SMC5: variants seen among roughly 807,000 people sequenced by gnomAD.
SMC5 encodes structural maintenance of chromosomes protein 5.
Under a neutral mutation model 148.3 loss-of-function variants are expected in SMC5, and 88 were observed. The ratio of observed to expected loss-of-function variants is 0.59; its 90% CI spans 0.50 to 0.71. The LOEUF (loss-of-function observed/expected upper bound fraction) is 0.71. Among genes scored for constraint, SMC5 ranks in the 30% least tolerant of loss-of-function variants. The pLI is 0.00. For missense variants in SMC5, 1,142 were observed against 1,298.9 expected, an observed-to-expected ratio of 0.88 and a Z score of 1.86; for synonymous variants, 421 against 432.8, an observed-to-expected ratio of 0.97 and a Z score of 0.34.
At chr9:70,264,898 T>C (rs77403649) in intron 2 of SMC5, among the ~76,000 whole-genome samples, 5,611 of 152,290 alleles carry the variant, frequency 0.037, 130 homozygotes, top group Non-Finnish European at 0.054. Context: ...GTGTAGCCTA[T>C]TGCTCCTAGA....
intron 2 of SMC5, among the ~76,000 whole-genome samples, chr9:70,265,332 G>T (rs1213508499): frequency 6.6e-6 from 1 of 152,094 alleles, no homozygotes; most frequent in Non-Finnish European, 1.5e-5. Context: ...GGTGGCGGGT[G>T]CCTGTAATCC....
intron 7 of SMC5, among the ~76,000 whole-genome samples, chr9:70,284,660 A>G (rs1018018666): frequency 6.6e-6 from 1 of 152,206 alleles, no homozygotes; most frequent in Non-Finnish European, 1.5e-5. Context: ...ATTGTCAAAC[A>G]TCCATGAGCC....
At position 70,278,650 on chromosome 9, in the gene SMC5, G is replaced by A. The variant is rs753820211; in HGVS notation, c.678+25G>A. 1.8e-5 allele frequency: 29 copies of A among 1,579,768 alleles called. No individual in the cohort carries two copies. The South Asian group carries it at 3.3e-4, about 18-fold the overall frequency. ...GGTACTTTAAATAGACAACTCATTT[G>A]TATTGTTTCTTATTGATTTCTGTAT... On this transcript the variant is annotated intron_variant, in intron 5 of 24. Coordinates refer to ENST00000361138, the MANE Select transcript of SMC5 (RefSeq NM_015110.4).
intron 3 of SMC5, among the ~76,000 whole-genome samples, chr9:70,270,153 C>G (rs2118035483): frequency 6.6e-6 from 1 of 152,272 alleles, no homozygotes; most frequent in East Asian, 1.9e-4. Flanking sequence ...TACTTCTGAC[C>G]AACCAGCTGT....
chr9:70,272,651 C>T (rs1462900155), intron 3 of SMC5, among the ~76,000 whole-genome samples: 2 of 152,170 alleles, frequency 1.3e-5, no homozygotes, highest in Non-Finnish European at 2.9e-5. Flanking sequence ...AAGATAAACA[C>T]ATTTGGGAAA....
At chr9:70,303,636 T>A (rs1264027258) in intron 10 of SMC5, among the ~76,000 whole-genome samples, 1 of 152,230 alleles carries the variant, frequency 6.6e-6, no homozygotes, top group Non-Finnish European at 1.5e-5. Context: ...AATTATATTA[T>A]CTCTTAATCC....
At chr9:70,274,376 C>T (rs956796407) in intron 3 of SMC5, among the ~76,000 whole-genome samples, 24 of 152,156 alleles carry the variant, frequency 1.6e-4, no homozygotes, top group South Asian at 2.1e-4. Flanking sequence ...CCACTGCGCC[C>T]GGCCGTGAAT....
At chr9:70,339,428 CAAAAAA>C (rs796734731) in intron 17 of SMC5, among the ~76,000 whole-genome samples, 1 of 76,592 alleles carries the variant, frequency 1.3e-5, no homozygotes, top group Non-Finnish European at 2.8e-5. Flanking sequence ...GACTCCGTCT[CAAAAAA>C]AAAAAAAAAG....
chr9:70,352,350 A>C lies in SMC5; in HGVS notation c.*19A>C. 1.9e-6 allele frequency: 3 copies of C among 1,569,390 alleles called. No homozygotes were observed. The highest frequency in any genetic ancestry group is 2.6e-6 in the Non-Finnish European group (3 of 1,161,550). On this transcript the variant is annotated 3_prime_UTR_variant, in exon 25 of 25. Coordinates refer to ENST00000361138, the MANE Select transcript of SMC5 (RefSeq NM_015110.4). ...TTCTTAATAAAAGTAAAGAGAGGGA[A>C]CTTGGGAATTTTTTTTGTTAAATTC...
chr9:70,276,206 G>C (rs1181682441), intron 3 of SMC5, among the ~76,000 whole-genome samples: 1 of 152,210 alleles, frequency 6.6e-6, no homozygotes, highest in African/African-American at 2.4e-5. Context: ...ATATCGCTTA[G>C]ATATGGCTTT....
At chr9:70,298,576 C>T (rs1273572070) in intron 9 of SMC5, among the ~76,000 whole-genome samples, 1 of 151,960 alleles carries the variant, frequency 6.6e-6, no homozygotes, top group Non-Finnish European at 1.5e-5. Context: ...GAAACCTGTC[C>T]AATTTCATCT....
intron 10 of SMC5, among the ~76,000 whole-genome samples, chr9:70,303,389 C>T (rs2035413394): frequency 6.6e-6 from 1 of 152,158 alleles, no homozygotes. Context: ...TAAACATCCA[C>T]ATACGTTTTC....
chr9:70,261,776 G>T (rs1316796628), intron 1 of SMC5, among the ~76,000 whole-genome samples: 3 of 152,156 alleles, frequency 2.0e-5, no homozygotes, highest in Non-Finnish European at 4.4e-5. Flanking sequence ...ACTGAAGAAG[G>T]ACTCAAAGTC....
chr9:70,309,349 T>TTTTGG (rs71364591), intron 11 of SMC5, among the ~76,000 whole-genome samples: 3 of 112,684 alleles, frequency 2.7e-5, no homozygotes, highest in Non-Finnish European at 5.3e-5. Flanking sequence ...TTTTTTTTTT[T>TTTTGG]GGGGACAGGG....
chr9:70,269,602 A>G (rs2034390364), intron 3 of SMC5, among the ~76,000 whole-genome samples: 1 of 152,102 alleles, frequency 6.6e-6, no homozygotes, highest in African/African-American at 2.4e-5. Context: ...AAAACAAAAA[A>G]AGTCAATCCT....
chr9:70,266,036 G>C (rs13284146), intron 2 of SMC5, among the ~76,000 whole-genome samples: 1 of 152,044 alleles, frequency 6.6e-6, no homozygotes, highest in Non-Finnish European at 1.5e-5. Context: ...TCAACAACTG[G>C]AGAGTATGCA....
At chr9:70,291,963 A>G (rs967235662) in intron 8 of SMC5, among the ~76,000 whole-genome samples, 2 of 152,158 alleles carry the variant, frequency 1.3e-5, no homozygotes, top group Non-Finnish European at 2.9e-5. Context: ...TACCACATGA[A>G]TGGAACAATG....
chr9:70,274,907 CATT>C (rs2034547337), intron 3 of SMC5, among the ~76,000 whole-genome samples: 2 of 151,890 alleles, frequency 1.3e-5, no homozygotes, highest in African/African-American at 2.4e-5. Flanking sequence ...CTCCTCAAAA[CATT>C]ATTATTAATA....
intron 3 of SMC5, among the ~76,000 whole-genome samples, chr9:70,270,686 G>A (rs917143128): frequency 1.4e-4 from 18 of 125,354 alleles, no homozygotes; most frequent in South Asian, 1.0e-3. Flanking sequence ...TGTCACTGTC[G>A]CCCAGGCTGG....
Sources: allele counts gnomAD v4.1 joint callset (sites outside exome capture counted in the v4.1 genomes callset), GRCh38; gene constraint gnomAD v4.1.1; transcripts MANE v1.5; gene names NCBI Gene and HGNC (gene_info 2026-07-23, HGNC 2026-07-21).